AR: variants seen among roughly 807,000 people sequenced by gnomAD.
AR encodes dihydrotestosterone receptor.
In AR, 8 loss-of-function variants were observed where a neutral mutation model predicts 53.9. The observed-to-expected ratio is 0.15, with a 90% CI of 0.09 to 0.27. The LOEUF (loss-of-function observed/expected upper bound fraction) is 0.27. Among genes scored for constraint, AR ranks in the 10% least tolerant of loss-of-function variants. The probability of loss-of-function intolerance (pLI) is 1.00; values close to 1 mark genes in which losing one functional copy is unlikely to be tolerated. For missense variants in AR, 639 were observed against 742.5 expected, an observed-to-expected ratio of 0.86 and a Z score of 1.62; for synonymous variants, 359 against 316.4, an observed-to-expected ratio of 1.13 and a Z score of -1.43.
rs780417569 is a variant in AR at position 67,721,953 on chromosome X, C to G, written c.2439C>G (p.Leu813=). The G allele has an allele frequency of 2.6e-5, 32 of 1,209,381 alleles. No individual in the cohort carries two copies. Among genetic ancestry groups the G allele is most frequent in the Non-Finnish European group, 3.5e-5 (31 of 895,035 alleles). The change falls in exon 6 of 8, where the codon CTC becomes CTG. Residue 813 remains leucine (L), a synonymous_variant. Coordinates refer to ENST00000374690, the MANE Select transcript of AR (RefSeq NM_000044.6). ...TCCTGTGCATGAAAGCACTGCTACT[C>G]TTCAGCATTAGTAAGTGCCTAGAAG... ...QEFLCMKALL[L]FSIIPVDGLK...
intron 2 of AR, among the ~76,000 whole-genome samples, chrX:67,681,975 A>G (rs769950332): frequency 2.1e-4 from 24 of 112,418 alleles, no homozygotes; most frequent in Admixed American, 4.7e-4. Flanking sequence ...GACAAAAACT[A>G]TATGATCATC....
chrX:67,577,300 A>T (rs1922100289), intron 1 of AR, among the ~76,000 whole-genome samples: 1 of 111,534 alleles, frequency 9.0e-6, no homozygotes, highest in African/African-American at 3.3e-5. Context: ...ATCTGCCAAT[A>T]CTTCATTCCT....
chrX:67,544,943 T>C lies in AR; in HGVS notation c.-204T>C, dbSNP rs1008875260. ...CTAGCAGGGCAGATCTTGTCCACCGTGTGTCTTCTTCTGCACGAGACTTTG... is the reference window on the plus strand; with the variant it reads ...CTAGCAGGGCAGATCTTGTCCACCGCGTGTCTTCTTCTGCACGAGACTTTG... On this transcript the variant is annotated 5_prime_UTR_variant, in exon 1 of 8. Coordinates refer to ENST00000374690, the MANE Select transcript of AR (RefSeq NM_000044.6). 4 of 442,977 alleles carry C rather than the reference T, an allele frequency of 9.0e-6. No individual in the cohort carries two copies. The highest frequency in any genetic ancestry group is 1.5e-5 in the Non-Finnish European group (4 of 270,604). 36.5% of individuals were successfully genotyped at this position (442,977 alleles called of 1,213,427 possible).
At chrX:67,549,356 T>C (rs1386381335) in intron 1 of AR, among the ~76,000 whole-genome samples, 2 of 111,931 alleles carry the variant, frequency 1.8e-5, no homozygotes, top group Non-Finnish European at 3.8e-5. Context: ...CATAATTTTG[T>C]GGAGGGGTTT....
intron 1 of AR, among the ~76,000 whole-genome samples, chrX:67,608,811 A>T (rs5965429): frequency 2.7e-5 from 3 of 110,754 alleles, no homozygotes; most frequent in African/African-American, 6.5e-5. Flanking sequence ...TATATTAAAC[A>T]TGGTTTTAAT....
rs1291087866 is a variant in AR at position 67,627,439 on chromosome X, G to C, written c.1617-15817G>C. Among the ~76,000 whole-genome samples, 5 of 112,280 alleles carry C rather than the reference G, an allele frequency of 4.5e-5. No homozygotes were observed. In the East Asian group the frequency reaches 1.4e-3, roughly 32 times the overall value. On this transcript the variant is annotated intron_variant, in intron 1 of 7. Transcript: ENST00000374690. Reference sequence around the variant, plus strand: ...GTGCATAAATGTCTTCTTTTTAGAAGTGTCTGTTCATATCCTTCGCCCACT... The same window carrying C: ...GTGCATAAATGTCTTCTTTTTAGAACTGTCTGTTCATATCCTTCGCCCACT...
chrX:67,579,045 A>G (rs913231795), intron 1 of AR, among the ~76,000 whole-genome samples: 2 of 111,427 alleles, frequency 1.8e-5, no homozygotes, highest in Non-Finnish European at 3.8e-5. Flanking sequence ...TATGAATTCC[A>G]TTTTTCAGAT....
intron 1 of AR, among the ~76,000 whole-genome samples, chrX:67,583,699 C>T (rs1384856742): frequency 9.0e-6 from 1 of 111,315 alleles, no homozygotes; most frequent in Non-Finnish European, 1.9e-5. Flanking sequence ...ATGTATTCAA[C>T]AACCATAAAA....
intron 2 of AR, among the ~76,000 whole-genome samples, chrX:67,653,942 TTAAAA>T (rs1261026859): frequency 7.2e-5 from 8 of 111,448 alleles, no homozygotes; most frequent in African/African-American, 2.3e-4. Context: ...AATAAAAAAA[TTAAAA>T]TAAAAAATAA....
intron 2 of AR, among the ~76,000 whole-genome samples, chrX:67,664,784 G>C (rs1478903212): frequency 8.9e-6 from 1 of 112,439 alleles, no homozygotes; most frequent in Non-Finnish European, 1.9e-5. Flanking sequence ...CTTCCCAGCT[G>C]CTTTGTTTAC....
At chrX:67,558,044 C>T (rs1278083901) in intron 1 of AR, among the ~76,000 whole-genome samples, 2 of 111,960 alleles carry the variant, frequency 1.8e-5, no homozygotes, top group African/African-American at 6.5e-5. Flanking sequence ...GGGAGACCAT[C>T]TTGTCCAGCT....
chrX:67,580,432 T>A (rs1458142822), intron 1 of AR, among the ~76,000 whole-genome samples: 3 of 112,217 alleles, frequency 2.7e-5, no homozygotes, highest in African/African-American at 9.7e-5. Flanking sequence ...TGATTATTAC[T>A]TTTGTGATAA....
At chrX:67,563,019 A>G (rs776283243) in intron 1 of AR, among the ~76,000 whole-genome samples, 1 of 112,199 alleles carries the variant, frequency 8.9e-6, no homozygotes, top group African/African-American at 3.2e-5. Context: ...CACTGAAGAC[A>G]TTCAAGAAGA....
rs753282354 is a variant in AR at position 67,729,666 on chromosome X, C to T, written c.*5825C>T. 5.8e-6 allele frequency: 1 copy of T among 172,758 alleles called. No individual in the cohort carries two copies. The highest frequency in any genetic ancestry group is 3.0e-5 in the African/African-American group (1 of 33,673). 14.2% of individuals were successfully genotyped at this position (172,758 alleles called of 1,213,427 possible). On this transcript the variant is annotated 3_prime_UTR_variant, in exon 8 of 8. Transcript: ENST00000374690. Reference sequence around the variant, plus strand: ...TGGGTGGCCCTTGTGACCTGAAACACTTCCCACATAAGCTACTTAACAAGA... The same window carrying T: ...TGGGTGGCCCTTGTGACCTGAAACATTTCCCACATAAGCTACTTAACAAGA...
intron 2 of AR, among the ~76,000 whole-genome samples, chrX:67,684,943 T>C (rs1470052130): frequency 1.8e-5 from 2 of 111,380 alleles, no homozygotes; most frequent in African/African-American, 6.5e-5. Flanking sequence ...GCATTCTTCC[T>C]CTGCTTAAAG....
chrX:67,579,979 C>G (rs1176886978), intron 1 of AR, among the ~76,000 whole-genome samples: 3 of 110,599 alleles, frequency 2.7e-5, no homozygotes, highest in African/African-American at 9.9e-5. Flanking sequence ...ACTCTTTCTC[C>G]CAGTTGGCAC....
chrX:67,679,975 T>C (rs1260077593), intron 2 of AR, among the ~76,000 whole-genome samples: 1 of 112,355 alleles, frequency 8.9e-6, no homozygotes, highest in African/African-American at 3.2e-5. Context: ...AAAATGACCT[T>C]TTCTACCTTT....
chrX:67,706,220 G>T (rs1356472989), intron 3 of AR, among the ~76,000 whole-genome samples: 1 of 111,818 alleles, frequency 8.9e-6, no homozygotes, highest in Non-Finnish European at 1.9e-5. Flanking sequence ...CAGAAGGAAT[G>T]GTACCAGCTC....
At chrX:67,644,550 C>T (rs1050694732) in intron 2 of AR, among the ~76,000 whole-genome samples, 4 of 111,874 alleles carry the variant, frequency 3.6e-5, no homozygotes, top group Non-Finnish European at 5.6e-5. Flanking sequence ...TACTGATACT[C>T]ATCAGAATAT....
Sources: allele counts gnomAD v4.1 joint callset (sites outside exome capture counted in the v4.1 genomes callset), GRCh38; gene constraint gnomAD v4.1.1; transcripts MANE v1.5; gene names NCBI Gene and HGNC (gene_info 2026-07-23, HGNC 2026-07-21).